Variants in DBT observed in about 807,000 individuals in gnomAD.
The protein encoded by DBT is dihydrolipoamide branched chain transacylase E2, also known as lipoamide acyltransferase component of branched-chain alpha-keto acid dehydrogenase complex, mitochondrial.
DBT carries 40 observed loss-of-function variants against 51.3 expected under a neutral mutation model. That is an observed-to-expected ratio of 0.78 (90% CI 0.61 to 1.02). The LOEUF is 1.02. DBT is among the 50% of genes least tolerant of loss of function. DBT has a pLI of 0.00. For synonymous variants in DBT, 181 were observed against 190.4 expected (o/e 0.95, Z 0.41); for missense variants, 510 against 580.2 (o/e 0.88, Z 1.24).
chr1:100,209,027 C>T (rs964868135), intron 8 of DBT, among the ~76,000 whole-genome samples: 1 of 150,476 alleles, frequency 6.6e-6, no homozygotes, highest in Non-Finnish European at 1.5e-5. Flanking sequence ...TCAACATAAA[C>T]AGTGAGCTAT....
chr1:100,249,147 A>G (rs1429117313), intron 1 of DBT: 1 of 957,350 alleles, frequency 1.0e-6, no homozygotes, highest in South Asian at 4.7e-5. Flanking sequence ...AACAAGTATC[A>G]TTACCGGTAT....
At position 100,218,764 on chromosome 1, in the gene DBT, A is replaced by C. The variant is rs752839693; in HGVS notation, c.434-17T>G. On this transcript the variant is annotated splice_polypyrimidine_tract_variant and intron_variant, in intron 4 of 10. Transcript: ENST00000370132. Reference sequence around the variant, plus strand: ...CTTCTGAATCTGGTAACAAGGTAAAACTTAACTTCAGTTGAAAAAAAATTT... The same window carrying C: ...CTTCTGAATCTGGTAACAAGGTAAACCTTAACTTCAGTTGAAAAAAAATTT... 1.2e-6 allele frequency: 2 copies of C among 1,613,046 alleles called. No individual in the cohort carries two copies. The highest frequency in any genetic ancestry group is 2.2e-5 in the South Asian group (2 of 90,814).
chr1:100,218,487 ATTGCTTTTCAG>A, intron 5 of DBT, 128 bp downstream of exon 5: 1 of 925,094 alleles, frequency 1.1e-6, no homozygotes, highest in Admixed American at 2.0e-5. Context: ...TTATGCAACT[ATTGCTTTTCAG>A]TAGCAAATAT....
intron 1 of DBT, among the ~76,000 whole-genome samples, chr1:100,241,936 G>A (rs951770440): frequency 2.0e-5 from 3 of 151,852 alleles, no homozygotes; most frequent in South Asian, 2.1e-4. Flanking sequence ...CAGGAGAATC[G>A]CTTGAATGCG....
intron 2 of DBT, among the ~76,000 whole-genome samples, chr1:100,237,183 A>C (rs1317162098): frequency 3.9e-5 from 6 of 152,168 alleles, no homozygotes; most frequent in Non-Finnish European, 1.5e-5. Flanking sequence ...TAAAATCCTC[A>C]TGCAAGGAAG....
chr1:100,243,378 G>C (rs1230950702), intron 1 of DBT, among the ~76,000 whole-genome samples: 5 of 149,804 alleles, frequency 3.3e-5, no homozygotes, highest in Admixed American at 2.7e-4. Context: ...GCAGTGGCAC[G>C]ATCTCAGCTT....
At position 100,192,855 on chromosome 1, in the gene DBT, G is replaced by A. The variant is rs1488479444; in HGVS notation, c.*3400C>T. ...GCAATAATTTTGGCTTCTCCCCCAT[G>A]TACATATACCTTCTAATCTCCAGAC... On this transcript the variant is annotated 3_prime_UTR_variant, in exon 11 of 11. Coordinates refer to ENST00000370132, the MANE Select transcript of DBT (RefSeq NM_001918.5). 6.6e-6 allele frequency: 1 copy of A among 152,206 alleles called. No homozygotes were observed. The highest frequency in any genetic ancestry group is 1.5e-5 in the Non-Finnish European group (1 of 68,056). 9.4% of individuals were successfully genotyped at this position (152,206 alleles called of 1,614,324 possible).
At chr1:100,199,500 A>G (rs1661306413) in intron 10 of DBT, among the ~76,000 whole-genome samples, 1 of 152,234 alleles carries the variant, frequency 6.6e-6, no homozygotes, top group Non-Finnish European at 1.5e-5. Flanking sequence ...TGGTTGATCC[A>G]TACAGAAACA....
At chr1:100,239,650 C>CTCT (rs959259786) in intron 2 of DBT, among the ~76,000 whole-genome samples, 76 of 151,884 alleles carry the variant, frequency 5.0e-4, no homozygotes, top group African/African-American at 1.7e-3. Context: ...GCAGGAGGAT[C>CTCT]TCTTGAATCC....
chr1:100,240,711 A>G (rs372026617), intron 2 of DBT, 50 bp downstream of exon 2: 1 of 1,458,906 alleles, frequency 6.9e-7, no homozygotes, highest in Non-Finnish European at 9.6e-7. Context: ...ATATTACTGA[A>G]TGAGGTACAA....
intron 4 of DBT, among the ~76,000 whole-genome samples, chr1:100,219,309 A>C (rs1206084290): frequency 6.6e-6 from 1 of 152,090 alleles, no homozygotes; most frequent in Non-Finnish European, 1.5e-5. Flanking sequence ...CTGTAATTGC[A>C]TCACTGCACT....
At chr1:100,223,607 C>A (rs1451873420) in intron 4 of DBT, among the ~76,000 whole-genome samples, 1 of 152,190 alleles carries the variant, frequency 6.6e-6, no homozygotes, top group Admixed American at 6.5e-5. Flanking sequence ...GCTGGGACTA[C>A]AGGTGTGCTC....
At chr1:100,225,757 G>A (rs763265392) in intron 4 of DBT, among the ~76,000 whole-genome samples, 21 of 151,028 alleles carry the variant, frequency 1.4e-4, no homozygotes, top group African/African-American at 4.6e-4. Context: ...CCCAGGAGGC[G>A]GAGGTTGCAG....
At chr1:100,229,402 G>A (rs1336807103) in intron 4 of DBT, among the ~76,000 whole-genome samples, 3 of 151,982 alleles carry the variant, frequency 2.0e-5, no homozygotes, top group Non-Finnish European at 2.9e-5. Context: ...TCTTGACCTC[G>A]TGATCCACCC....
intron 10 of DBT, among the ~76,000 whole-genome samples, chr1:100,200,945 A>T (rs1661399714): frequency 6.6e-6 from 1 of 152,206 alleles, no homozygotes; most frequent in Admixed American, 6.5e-5. Context: ...ATCCATAAAG[A>T]TGAGGAAAAA....
rs955961407 is a variant in DBT, at chr1:100,194,342, T to G, written c.*1913A>C. 3 of 151,944 alleles carry G rather than the reference T, an allele frequency of 2.0e-5. No individual in the cohort carries two copies. Among genetic ancestry groups the G allele is most frequent in the African/African-American group, 4.8e-5 (2 of 41,294 alleles). 9.4% of individuals were successfully genotyped at this position (151,944 alleles called of 1,614,324 possible). On this transcript the variant is annotated 3_prime_UTR_variant, in exon 11 of 11. Coordinates refer to ENST00000370132, the MANE Select transcript of DBT (RefSeq NM_001918.5). ...ACCACCACACTTGGCTTTTTGGTTT[T>G]TTTTTTTTTTTCTGAGACAAAGTGT... is the stretch of plus-strand genomic sequence containing the variant.
chr1:100,199,261 G>A (rs942010052), intron 10 of DBT, among the ~76,000 whole-genome samples: 2 of 152,220 alleles, frequency 1.3e-5, no homozygotes, highest in East Asian at 1.9e-4. Context: ...ATTTAAGTTC[G>A]GAGGGTTCTG....
chr1:100,226,211 A>C (rs541234047), intron 4 of DBT, among the ~76,000 whole-genome samples: 1 of 151,912 alleles, frequency 6.6e-6, no homozygotes, highest in African/African-American at 2.4e-5. Context: ...TCCAAAAAAA[A>C]CTGTGTTTAT....
At position 100,190,143 on chromosome 1, in the gene DBT, A is replaced by T. The variant is rs1189608648; in HGVS notation, c.*6112T>A. Reference sequence around the variant, plus strand: ...AATATTAATGTCTTAAAACAATAAAAGTGTATTATTCAACTATCACATCCA... The same window carrying T: ...AATATTAATGTCTTAAAACAATAAATGTGTATTATTCAACTATCACATCCA... On this transcript the variant is annotated 3_prime_UTR_variant, in exon 11 of 11. Transcript: ENST00000370132. 6.6e-6 allele frequency: 1 copy of T among 151,672 alleles called. No individual in the cohort carries two copies. Among genetic ancestry groups the T allele is most frequent in the Non-Finnish European group, 1.5e-5 (1 of 67,788 alleles). The allele number at this position is 151,672 out of a possible 1,614,324, so 9.4% of individuals were successfully genotyped here.
Sources: gnomAD v4.1 joint callset for allele counts (sites outside exome capture counted in the v4.1 genomes callset) on GRCh38, gnomAD v4.1.1 for gene constraint, MANE v1.5 for transcripts, NCBI Gene and HGNC (gene_info 2026-07-23, HGNC 2026-07-21) for gene names.